The following GNG7 variants were observed in gnomAD, a reference collection of about 807,000 sequenced individuals.
The protein encoded by GNG7 is G protein subunit gamma 7.
Under a neutral mutation model 4.0 loss-of-function variants are expected in GNG7, and 1 was observed. That is an observed-to-expected ratio of 0.25 (90% CI 0.09 to 1.18). The LOEUF is 1.18. GNG7 is among the 50% of genes most tolerant of loss of function. GNG7 has a pLI of 0.50. For missense variants in GNG7, 86 were observed against 91.9 expected (o/e 0.94, Z 0.26); for synonymous variants, 34 against 36.9 (o/e 0.92, Z 0.29).
chr19:2,549,979 T>C (rs1979262540), intron 3 of GNG7, among the ~76,000 whole-genome samples: 1 of 152,262 alleles, frequency 6.6e-6, no homozygotes, highest in African/African-American at 2.4e-5. Context: ...TTACGCCTTT[T>C]CTTGCTAATG....
At chr19:2,646,924 A>T (rs1292485953) in intron 1 of GNG7, among the ~76,000 whole-genome samples, 1 of 152,202 alleles carries the variant, frequency 6.6e-6, no homozygotes, top group Non-Finnish European at 1.5e-5. Context: ...CACGGTGCCC[A>T]GAAGGCACCC....
At position 2,546,963 on chromosome 19, in the gene GNG7, C is replaced by T. The variant is rs1042596638; in HGVS notation, c.-38+8186G>A. On this transcript the variant is annotated intron_variant, in intron 3 of 4. Transcript: ENST00000382159. This position sits in a 1 kb window ranked among gnomAD's most constrained non-coding sequence, Gnocchi z 6.3. ...CCCGGGCCAGGGCAAGGGGCAGCGC[C>T]GGCCTCGTGACGGTGGTGCTCGGGA... 1.3e-5 allele frequency among the ~76,000 whole-genome samples: 2 copies of T among 152,086 alleles called. No individual in the cohort carries two copies. The highest frequency in any genetic ancestry group is 2.9e-5 in the Non-Finnish European group (2 of 68,002).
intron 3 of GNG7, among the ~76,000 whole-genome samples, chr19:2,553,769 T>G (rs1028460265): frequency 6.8e-6 from 1 of 147,850 alleles, no homozygotes; most frequent in Non-Finnish European, 1.5e-5. Context: ...ACATATTGCA[T>G]GTAATGTTAT....
chr19:2,690,612 G>C (rs979572982), intron 1 of GNG7, among the ~76,000 whole-genome samples: 13 of 149,046 alleles, frequency 8.7e-5, no homozygotes, highest in African/African-American at 3.2e-4. Context: ...TTTTCTTCTT[G>C]AGACAGGGTC....
chr19:2,512,928 C>T lies in GNG7; in HGVS notation c.*2094G>A. Reference sequence around the variant, plus strand: ...ACGCCCACACCCCAAACCCTGCCGGCTCCCAGCCCAACCACAGGAGGCTGC... The same window carrying T: ...ACGCCCACACCCCAAACCCTGCCGGTTCCCAGCCCAACCACAGGAGGCTGC... On this transcript the variant is annotated 3_prime_UTR_variant, in exon 5 of 5. Transcript: ENST00000382159. The surrounding 1 kb of genome is among the most constrained non-coding windows in gnomAD (Gnocchi z 4.7). 1 of 985,490 alleles carries T rather than the reference C, an allele frequency of 1.0e-6. No homozygotes were observed. Among genetic ancestry groups the T allele is most frequent in the Non-Finnish European group, 1.2e-6 (1 of 829,974 alleles). 61.0% of individuals were successfully genotyped at this position (985,490 alleles called of 1,614,324 possible). A position where few individuals can be genotyped will look rare whatever the true frequency, so the allele number is the denominator to read the frequency against.
chr19:2,546,170 A>C lies in GNG7; in HGVS notation c.-38+8979T>G, dbSNP rs1224023867. Among the ~76,000 whole-genome samples, 2 of 152,170 alleles carry C rather than the reference A, an allele frequency of 1.3e-5. No homozygotes were observed. Among genetic ancestry groups the C allele is most frequent in the East Asian group, 3.9e-4 (2 of 5,192 alleles). Reference sequence around the variant, plus strand: ...ACGCAGAGCCCGGGGAGCCCGACTGAAATGGAAACTTCAATACAAGAGACA... The same window carrying C: ...ACGCAGAGCCCGGGGAGCCCGACTGCAATGGAAACTTCAATACAAGAGACA... On this transcript the variant is annotated intron_variant, in intron 3 of 4. Coordinates refer to ENST00000382159, the MANE Select transcript of GNG7 (RefSeq NM_052847.3). The surrounding 1 kb of genome is among the most constrained non-coding windows in gnomAD (Gnocchi z 6.3).
chr19:2,696,292 G>GAGAAAGAAAGAAAGAA lies in GNG7; in HGVS notation c.-135+6338_-135+6353dup, dbSNP rs796306243. The stretch of plus-strand genomic sequence containing the variant: ...AAGGAGAGAAAGAAAAAGAGAGAGA[G>GAGAAAGAAAGAAAGAA]AGAAAGAAAGAAAGAAAGAAAGAAA... On this transcript the variant is annotated intron_variant, in intron 1 of 4. Coordinates refer to ENST00000382159, the MANE Select transcript of GNG7 (RefSeq NM_052847.3). 9.6e-3 allele frequency among the ~76,000 whole-genome samples: 1,047 copies of GAGAAAGAAAGAAAGAA among 108,588 alleles called. 10 individuals are homozygous for GAGAAAGAAAGAAAGAA. Among genetic ancestry groups the GAGAAAGAAAGAAAGAA allele is most frequent in the Admixed American group, 0.011 (103 of 9,552 alleles). The allele number at this position is 108,588 out of a possible 152,430, so 71.2% of individuals were successfully genotyped here. A position where few individuals can be genotyped will look rare whatever the true frequency, so the allele number is the denominator to read the frequency against.
rs949729159 is a variant in GNG7 at position 2,546,698 on chromosome 19, C to A, written c.-38+8451G>T. 5.3e-5 allele frequency among the ~76,000 whole-genome samples: 8 copies of A among 152,162 alleles called. No homozygotes were observed. The highest frequency in any genetic ancestry group is 1.9e-4 in the African/African-American group (8 of 41,432). ...AGCCGGCTTGTTCAGACAAAGAGGCCGCGACGACAGAGGGTGACGCGCCGC... is the reference window on the plus strand; with the variant it reads ...AGCCGGCTTGTTCAGACAAAGAGGCAGCGACGACAGAGGGTGACGCGCCGC... On this transcript the variant is annotated intron_variant, in intron 3 of 4. Transcript: ENST00000382159. This position sits in a 1 kb window ranked among gnomAD's most constrained non-coding sequence, Gnocchi z 6.3.
At chr19:2,628,833 C>T (rs992419309) in intron 2 of GNG7, among the ~76,000 whole-genome samples, 1 of 152,156 alleles carries the variant, frequency 6.6e-6, no homozygotes, top group Admixed American at 6.5e-5. Context: ...GGTCAACTGA[C>T]TAGGAATCTT....
chr19:2,640,453 C>T (rs753706762), intron 2 of GNG7, among the ~76,000 whole-genome samples: 7 of 152,026 alleles, frequency 4.6e-5, no homozygotes, highest in Admixed American at 3.9e-4. Context: ...GGAAAGATGC[C>T]CAGTGATGGG....
chr19:2,557,280 C>G lies in GNG7; in HGVS notation c.-77-2092G>C, dbSNP rs1042130355. Among the ~76,000 whole-genome samples, 1 of 151,630 alleles carries G rather than the reference C, an allele frequency of 6.6e-6. No homozygotes were observed. Among genetic ancestry groups the G allele is most frequent in the African/African-American group, 2.4e-5 (1 of 41,232 alleles). ...GTGCACACACATTTGCACACACAGA[C>G]ACGTGCACACACAGAGGTGCACATA... On this transcript the variant is annotated intron_variant, in intron 2 of 4. Coordinates refer to ENST00000382159, the MANE Select transcript of GNG7 (RefSeq NM_052847.3). The surrounding 1 kb of genome is among the most constrained non-coding windows in gnomAD (Gnocchi z 5.1).
Position 2,542,840 on chromosome 19 carries a change from G to A in GNG7, c.-38+12309C>T, listed in dbSNP as rs984087451. Among the ~76,000 whole-genome samples, 7 of 150,084 alleles carry A rather than the reference G, an allele frequency of 4.7e-5. No homozygotes were observed. The East Asian group carries it at 9.8e-4, about 21-fold the overall frequency. On this transcript the variant is annotated intron_variant, in intron 3 of 4. Transcript: ENST00000382159. ...CATCTGCTGCTGCTAGGTGTTAGAC[G>A]CTGGACTGAGCATGCTGCACACATC...
intron 3 of GNG7, among the ~76,000 whole-genome samples, chr19:2,541,095 G>A (rs968628659): frequency 5.3e-5 from 8 of 152,198 alleles, no homozygotes; most frequent in Non-Finnish European, 1.0e-4. Flanking sequence ...TGGGCCTGGC[G>A]GCCAGAGAGG....
intron 3 of GNG7, among the ~76,000 whole-genome samples, chr19:2,551,340 C>T (rs1351525726): frequency 6.6e-6 from 1 of 152,144 alleles, no homozygotes; most frequent in Admixed American, 6.6e-5. Context: ...GCACATGCGA[C>T]CCCTCGGCCA....
rs1351843867 is a variant in GNG7 at position 2,651,241 on chromosome 19, TTCCTTTCC to T, written c.-134-4969_-134-4962del. Among the ~76,000 whole-genome samples, 122 of 90,884 alleles carry T rather than the reference TTCCTTTCC, an allele frequency of 1.3e-3. 3 individuals carry two copies. The highest frequency in any genetic ancestry group is 5.3e-4 in the Admixed American group (4 of 7,506). 59.6% of individuals were successfully genotyped at this position (90,884 alleles called of 152,430 possible). A position where few individuals can be genotyped will look rare whatever the true frequency, so the allele number is the denominator to read the frequency against. On this transcript the variant is annotated intron_variant, in intron 1 of 4. Coordinates refer to ENST00000382159, the MANE Select transcript of GNG7 (RefSeq NM_052847.3). ...CTGTCCGACTTCCTTCCTTCCTTCC[TTCCTTTCC>T]TTCCTTCCTTCCTTCCTTCCTTCCC...
chr19:2,542,297 G>C (rs543876903), intron 3 of GNG7, among the ~76,000 whole-genome samples: 1 of 151,742 alleles, frequency 6.6e-6, no homozygotes, highest in Non-Finnish European at 1.5e-5. Flanking sequence ...GTATTTTTTA[G>C]TCGAGACGGG....
At chr19:2,645,385 C>A (rs1350703645) in intron 2 of GNG7, among the ~76,000 whole-genome samples, 1 of 151,784 alleles carries the variant, frequency 6.6e-6, no homozygotes, top group African/African-American at 2.4e-5. Context: ...ACTCTAGGCA[C>A]CTGCCACCAC....
intron 3 of GNG7, chr19:2,538,787 GAGACGGAGTCTCAC>G (rs1029083802): frequency 2.9e-5 from 11 of 382,618 alleles, no homozygotes; most frequent in Non-Finnish European, 5.0e-5. Flanking sequence ...CTTTTTTTTT[GAGACGGAGTCTCAC>G]TCTGTCTCCC....
intron 1 of GNG7, among the ~76,000 whole-genome samples, chr19:2,654,895 C>T (rs890913148): frequency 6.6e-6 from 1 of 152,190 alleles, no homozygotes; most frequent in South Asian, 2.1e-4. Flanking sequence ...CAGGGGCACC[C>T]CCGAGTTGTG....
Sources: gnomAD v4.1 joint callset for allele counts (sites outside exome capture counted in the v4.1 genomes callset) on GRCh38, gnomAD v4.1.1 for gene constraint, Gnocchi (gnomAD v3.1) non-coding constraint, MANE v1.5 for transcripts, NCBI Gene and HGNC (gene_info 2026-07-23, HGNC 2026-07-21) for gene names.